KAZN: variants seen among roughly 807,000 people sequenced by gnomAD.
KAZN encodes kazrin, periplakin interacting protein, also known as kazrin.
A neutral mutation model predicts 87.4 loss-of-function variants in KAZN; 40 were observed. That is an observed-to-expected ratio of 0.46 (90% CI 0.36 to 0.60). The LOEUF (loss-of-function observed/expected upper bound fraction) is 0.60. Ranked by LOEUF, KAZN falls within the 20% of genes least tolerant of loss-of-function variation. KAZN has a pLI of 0.00. For synonymous variants in KAZN, 466 were observed against 458.3 expected (o/e 1.02, Z -0.22); for missense variants, 898 against 1,073.9 (o/e 0.84, Z 2.29).
At chr1:14,269,849 C>T (rs532463707) in intron 2 of KAZN, among the ~76,000 whole-genome samples, 1 of 152,102 alleles carries the variant, frequency 6.6e-6, no homozygotes, top group Non-Finnish European at 1.5e-5. Flanking sequence ...ATGAAAAAAC[C>T]GTCAGCTCTG....
chr1:14,843,489 C>T (rs1349128606), intron 1 of KAZN, among the ~76,000 whole-genome samples: 1 of 152,148 alleles, frequency 6.6e-6, no homozygotes, highest in Non-Finnish European at 1.5e-5. Flanking sequence ...CTCATGGTTG[C>T]TGTGACATGA....
At position 14,731,152 on chromosome 1, in the gene KAZN, C is replaced by G. The variant is rs72868412; in HGVS notation, c.226+131929C>G. ...AGCATTGATAAACATTTTACAATAC[C>G]ATCATGAGCAAATGGAAGTGTCTAA... On this transcript the variant is annotated intron_variant, in intron 1 of 14. Coordinates refer to ENST00000376030, the MANE Select transcript of KAZN (RefSeq NM_201628.3). Among the ~76,000 whole-genome samples, 583 of 149,924 alleles carry G rather than the reference C, an allele frequency of 3.9e-3. 4 individuals carry two copies. The highest frequency in any genetic ancestry group is 0.013 in the African/African-American group (512 of 40,782).
chr1:14,286,034 T>C (rs1171796830), intron 2 of KAZN, among the ~76,000 whole-genome samples: 1 of 152,192 alleles, frequency 6.6e-6, no homozygotes, highest in Non-Finnish European at 1.5e-5. Context: ...AATGCTCTAG[T>C]TTCTCTTCAG....
At chr1:14,985,268 C>CCAAGGTGGGAGGCCAAGGTGGGAGGA (rs1160203809) in intron 2 of KAZN, among the ~76,000 whole-genome samples, 2 of 142,854 alleles carry the variant, frequency 1.4e-5, no homozygotes, top group African/African-American at 5.4e-5. Flanking sequence ...AGGTGGGAGG[C>CCAAGGTGGGAGGCCAAGGTGGGAGGA]CAAGGTGGGA....
intron 2 of KAZN, among the ~76,000 whole-genome samples, chr1:14,269,338 A>G (rs1428102593): frequency 7.2e-5 from 11 of 152,090 alleles, no homozygotes; most frequent in Admixed American, 7.2e-4. Flanking sequence ...AAAAAGTTTG[A>G]GAAACTCTCC....
intron 2 of KAZN, among the ~76,000 whole-genome samples, chr1:14,530,724 GTC>G (rs1264827327): frequency 6.6e-6 from 1 of 152,152 alleles, no homozygotes; most frequent in Non-Finnish European, 1.5e-5. Context: ...AGAAGCAGAT[GTC>G]ATCACCATGC....
chr1:14,351,790 A>G lies in KAZN; in HGVS notation c.249+171198A>G, dbSNP rs528121937. ...GGACCAGCAGCTAGACCCCGTATGC[A>G]ATATACTTGTTGATCTGTGTACATC... On this transcript the variant is annotated intron_variant, in intron 2 of 16. Transcript: ENST00000636203. Among the ~76,000 whole-genome samples, 7 of 152,302 alleles carry G rather than the reference A, an allele frequency of 4.6e-5. No individual in the cohort carries two copies. In the South Asian group the frequency reaches 1.2e-3, roughly 27 times the overall value.
rs533306721 is a variant in KAZN, at chr1:14,649,137, T to G, written c.226+49914T>G. 2.6e-5 allele frequency among the ~76,000 whole-genome samples: 4 copies of G among 152,324 alleles called. No homozygotes were observed. In the East Asian group the frequency reaches 7.7e-4, roughly 29 times the overall value. On this transcript the variant is annotated intron_variant, in intron 1 of 14. Transcript: ENST00000376030. ...TGGTGCAGGCACCACATTAATGCCC[T>G]GGTGGTGGCCAGGCCCTGAATTTTT...
At chr1:14,344,750 A>G (rs1442585410) in intron 2 of KAZN, among the ~76,000 whole-genome samples, 1 of 152,164 alleles carries the variant, frequency 6.6e-6, no homozygotes, top group African/African-American at 2.4e-5. Context: ...AGGACAATTC[A>G]GGGAAAGACA....
chr1:14,647,253 A>G (rs1226622829), intron 1 of KAZN, among the ~76,000 whole-genome samples: 1 of 152,206 alleles, frequency 6.6e-6, no homozygotes, highest in Admixed American at 6.5e-5. Flanking sequence ...AGCCAATTGC[A>G]GAATTATGTA....
chr1:14,750,654 C>G (rs1644390790), intron 1 of KAZN, among the ~76,000 whole-genome samples: 1 of 151,652 alleles, frequency 6.6e-6, no homozygotes, highest in African/African-American at 2.4e-5. Context: ...CTCTACATAG[C>G]CTGAGGACCT....
intron 2 of KAZN, among the ~76,000 whole-genome samples, chr1:14,418,757 C>T (rs913151318): frequency 1.3e-5 from 2 of 152,212 alleles, no homozygotes; most frequent in African/African-American, 4.8e-5. Context: ...CTCTCCCTAG[C>T]TCTGAAGCCA....
intron 1 of KAZN, among the ~76,000 whole-genome samples, chr1:14,959,614 A>C (rs1336578938): frequency 6.6e-6 from 1 of 152,174 alleles, no homozygotes; most frequent in Non-Finnish European, 1.5e-5. Context: ...GGACCTGCTT[A>C]ATGAATATTT....
intron 2 of KAZN, among the ~76,000 whole-genome samples, chr1:14,286,413 T>G (rs1396459371): frequency 6.6e-6 from 1 of 152,204 alleles, no homozygotes; most frequent in African/African-American, 2.4e-5. Context: ...GGACTTCAAG[T>G]GGCACTAAGG....
chr1:14,733,506 G>A (rs2100378551), intron 1 of KAZN, among the ~76,000 whole-genome samples: 1 of 152,252 alleles, frequency 6.6e-6, no homozygotes, highest in East Asian at 1.9e-4. Context: ...CGTAGGGTGG[G>A]ACCTCCTGGA....
chr1:14,495,509 T>C (rs888649850), intron 2 of KAZN, among the ~76,000 whole-genome samples: 4 of 152,214 alleles, frequency 2.6e-5, no homozygotes, highest in Non-Finnish European at 5.9e-5. Flanking sequence ...CTTTCCTTTC[T>C]GGTAGATGAG....
At chr1:14,335,714 A>G (rs1657209193) in intron 2 of KAZN, among the ~76,000 whole-genome samples, 1 of 152,190 alleles carries the variant, frequency 6.6e-6, no homozygotes, top group Non-Finnish European at 1.5e-5. Flanking sequence ...TTACAGTAAA[A>G]CAAAACAGAC....
At chr1:14,423,957 A>T (rs1571612489) in intron 2 of KAZN, among the ~76,000 whole-genome samples, 1 of 152,202 alleles carries the variant, frequency 6.6e-6, no homozygotes, top group African/African-American at 2.4e-5. Flanking sequence ...AGCCAAATAC[A>T]GATGGGACAG....
intron 1 of KAZN, among the ~76,000 whole-genome samples, chr1:14,845,405 A>T (rs909487272): frequency 4.7e-5 from 7 of 149,034 alleles, no homozygotes; most frequent in African/African-American, 1.7e-4. Flanking sequence ...GGATGGATAG[A>T]TGGATGGGTG....
Sources: gnomAD v4.1 joint callset for allele counts (sites outside exome capture counted in the v4.1 genomes callset) on GRCh38, gnomAD v4.1.1 for gene constraint, MANE v1.5 for transcripts, NCBI Gene and HGNC (gene_info 2026-07-23, HGNC 2026-07-21) for gene names.